Variants in PHF19 observed in about 807,000 individuals in gnomAD.
The protein encoded by PHF19 is PHD finger protein 19.
A neutral mutation model predicts 79.8 loss-of-function variants in PHF19; 21 were observed. That is an observed-to-expected ratio of 0.26 (90% CI 0.19 to 0.38). The LOEUF is 0.38. Among genes scored for constraint, PHF19 ranks in the 10% least tolerant of loss-of-function variants. The pLI is 1.00. For synonymous variants in PHF19, 273 were observed against 296.3 expected, an observed-to-expected ratio of 0.92 and a Z score of 0.81; for missense variants, 445 against 744.2, an observed-to-expected ratio of 0.60 and a Z score of 4.68.
At chr9:120,865,509 T>C (rs559101785) in intron 9 of PHF19, among the ~76,000 whole-genome samples, 1 of 152,270 alleles carries the variant, frequency 6.6e-6, no homozygotes, top group South Asian at 2.1e-4. Flanking sequence ...TCCCCTCCAC[T>C]GAACTGGGGA....
In PHF19 at chr9:120,865,926, G is replaced by T. The variant is rs1226617050; in HGVS notation, c.780-96C>A. The T allele has an allele frequency of 5.0e-6, 8 of 1,592,786 alleles. No homozygotes were observed. In the South Asian group the frequency reaches 8.8e-5, roughly 18 times the overall value. On this transcript the variant is annotated intron_variant, in intron 8 of 14. Transcript: ENST00000373896. ...GGTCCAGGCTGAGAGACAGGGGCAG[G>T]GTTGGGACCCAGTAGCTGGAAATGG...
chr9:120,893,641 G>A (rs984561852), intron 1 of PHF19, among the ~76,000 whole-genome samples: 44 of 152,150 alleles, frequency 2.9e-4, no homozygotes, highest in African/African-American at 1.1e-3. Flanking sequence ...ACAGATGCAC[G>A]CATGCTTTAG....
In PHF19 at chr9:120,891,126, G is replaced by A. The variant is rs746861241; in HGVS notation, c.42+3662C>T. ...CAAGCCTCTCCTGCAGGGGTGGGGA[G>A]AGATTGAGCCCCCAGGGCTGGGTTA... On this transcript the variant is annotated intron_variant, in intron 1 of 14. Transcript: ENST00000616568. This position sits in a 1 kb window ranked among gnomAD's most constrained non-coding sequence, Gnocchi z 4.3. Among the ~76,000 whole-genome samples the A allele has an allele frequency of 6.6e-6, 1 of 152,168 alleles. No individual in the cohort carries two copies. Among genetic ancestry groups the A allele is most frequent in the Non-Finnish European group, 1.5e-5 (1 of 68,020 alleles).
At chr9:120,875,587 T>C (rs1162970030) in intron 1 of PHF19, among the ~76,000 whole-genome samples, 1 of 152,194 alleles carries the variant, frequency 6.6e-6, no homozygotes, top group Non-Finnish European at 1.5e-5. Context: ...CTAGCTTCCA[T>C]CCTCCTGCCC....
At chr9:120,900,848 G>T in the PHF19 span, among the ~76,000 whole-genome samples, 1 of 152,220 alleles carries the variant, frequency 6.6e-6, no homozygotes, top group African/African-American at 2.4e-5. Context: ...TTAGAAGCGT[G>T]AGCCATTGTG....
At chr9:120,885,903 G>A (rs553825948) in intron 1 of PHF19, among the ~76,000 whole-genome samples, 1 of 152,284 alleles carries the variant, frequency 6.6e-6, no homozygotes, top group East Asian at 1.9e-4. Context: ...TTGGAGAAGC[G>A]GAAATTCTGT....
chr9:120,896,866 C>T (rs1335621667), upstream of PHF19, among the ~76,000 whole-genome samples: 2 of 152,210 alleles, frequency 1.3e-5, no homozygotes, highest in Admixed American at 6.5e-5. Flanking sequence ...CGATTGTTTC[C>T]CTTTCTCTTG....
chr9:120,863,980 G>A lies in PHF19; in HGVS notation c.968+69C>T, dbSNP rs2045617846. On this transcript the variant is annotated intron_variant, in intron 10 of 14. Transcript: ENST00000373896. The stretch of plus-strand genomic sequence containing the variant: ...AGGCAGGGAGCATAGCCTGAGCAAA[G>A]GCTATGAGGTAGGAAGGAATCTCAC... 3 of 1,262,362 alleles carry A rather than the reference G, an allele frequency of 2.4e-6. No individual in the cohort carries two copies. In the Admixed American group the frequency reaches 5.7e-5, roughly 24 times the overall value. The allele number at this position is 1,262,362 out of a possible 1,614,324, so 78.2% of individuals were successfully genotyped here.
chr9:120,863,183 C>T (rs2045587352), intron 10 of PHF19, among the ~76,000 whole-genome samples: 1 of 150,898 alleles, frequency 6.6e-6, no homozygotes, highest in Admixed American at 6.6e-5. Flanking sequence ...CACAGCCCTA[C>T]CCTCTTTAGT....
At chr9:120,873,893 G>T (rs1012056461) in intron 3 of PHF19, 86 bp downstream of exon 3, 1 of 735,544 alleles carries the variant, frequency 1.4e-6, no homozygotes. Context: ...AGTAAGAGAT[G>T]GAAGGACAGA....
intron 6 of PHF19, chr9:120,868,897 C>T (rs2045794448): frequency 2.9e-6 from 3 of 1,043,898 alleles, no homozygotes; most frequent in Non-Finnish European, 3.6e-6. Flanking sequence ...GCCCGCCCCC[C>T]GAGGCCCCGC....
chr9:120,864,250 A>G, intron 9 of PHF19, 134 bp from the exon 10 acceptor site: 1 of 713,070 alleles, frequency 1.4e-6, no homozygotes, highest in Middle Eastern at 2.8e-4. Context: ...TCACTCCAGG[A>G]TCTCAGAAAA....
rs956832194 is a variant in PHF19, at chr9:120,862,483, G to C, written c.1130+105C>G. 2.1e-6 allele frequency: 2 copies of C among 947,446 alleles called. No homozygotes were observed. The highest frequency in any genetic ancestry group is 2.1e-5 in the Admixed American group (1 of 48,618). The allele number at this position is 947,446 out of a possible 1,614,324, so 58.7% of individuals were successfully genotyped here. Reference sequence around the variant, plus strand: ...CTCAGCCACTATCTAGCCCTCTCAGGGTCCTACAGCTGGGACTGGCTGGGT... The same window carrying C: ...CTCAGCCACTATCTAGCCCTCTCAGCGTCCTACAGCTGGGACTGGCTGGGT... On this transcript the variant is annotated intron_variant, in intron 11 of 14. Coordinates refer to ENST00000373896, the MANE Select transcript of PHF19 (RefSeq NM_015651.3). The surrounding 1 kb of genome is among the most constrained non-coding windows in gnomAD (Gnocchi z 4.6).
At chr9:120,895,383 G>A (rs2046392593), upstream of PHF19, among the ~76,000 whole-genome samples, 1 of 150,482 alleles carries the variant, frequency 6.6e-6, no homozygotes, top group Admixed American at 6.6e-5. Flanking sequence ...GCCTGAGTTC[G>A]AGACCAGCCT....
chr9:120,864,298 T>C (rs1359897004), intron 9 of PHF19, among the ~76,000 whole-genome samples, 182 bp from the exon 10 acceptor site: 1 of 152,208 alleles, frequency 6.6e-6, no homozygotes, highest in African/African-American at 2.4e-5. Flanking sequence ...CATTTGTAAA[T>C]GGAGAGAATA....
At chr9:120,889,671 G>A (rs1037876346) in intron 1 of PHF19, among the ~76,000 whole-genome samples, 1 of 151,956 alleles carries the variant, frequency 6.6e-6, no homozygotes, top group South Asian at 2.1e-4. Context: ...AGCCTGGGAG[G>A]TTGAGGCTGC....
intron 1 of PHF19, among the ~76,000 whole-genome samples, chr9:120,893,117 C>T (rs1350152407): frequency 6.6e-6 from 1 of 152,194 alleles, no homozygotes; most frequent in Non-Finnish European, 1.5e-5. Context: ...ATGTAACAGG[C>T]ACTTAATAAG....
chr9:120,885,665 C>T (rs1208049601), intron 1 of PHF19, among the ~76,000 whole-genome samples: 1 of 152,062 alleles, frequency 6.6e-6, no homozygotes, highest in African/African-American at 2.4e-5. Context: ...TAAATCAGCA[C>T]ATGAGCCATA....
rs1347040560 is a variant in PHF19, at chr9:120,860,284, T to G, written c.1305-99A>C. ...CCCTAACATGCATCCTTCATCCCAGTGGAGGCCCGTCTTCCCACAGCTGAG... is the reference window on the plus strand; with the variant it reads ...CCCTAACATGCATCCTTCATCCCAGGGGAGGCCCGTCTTCCCACAGCTGAG... On this transcript the variant is annotated intron_variant, in intron 13 of 14. Transcript: ENST00000373896. This position sits in a 1 kb window ranked among gnomAD's most constrained non-coding sequence, Gnocchi z 4.1. 1.5e-6 allele frequency: 1 copy of G among 689,366 alleles called. No homozygotes were observed. The highest frequency in any genetic ancestry group is 2.7e-6 in the Non-Finnish European group (1 of 375,692). The allele number at this position is 689,366 out of a possible 1,614,324, so 42.7% of individuals were successfully genotyped here. A position where few individuals can be genotyped will look rare whatever the true frequency, so the allele number is the denominator to read the frequency against.
Sources: gnomAD v4.1 joint callset for allele counts (sites outside exome capture counted in the v4.1 genomes callset) on GRCh38, gnomAD v4.1.1 for gene constraint, Gnocchi (gnomAD v3.1) non-coding constraint, MANE v1.5 for transcripts, NCBI Gene and HGNC (gene_info 2026-07-23, HGNC 2026-07-21) for gene names.